C5: variants seen among roughly 807,000 people sequenced by gnomAD.
The protein encoded by C5 is C3 and PZP-like alpha-2-macroglobulin domain-containing protein 4.
In C5, 140 loss-of-function variants were observed where a neutral mutation model predicts 218.8. That is an observed-to-expected ratio of 0.64 (90% CI 0.56 to 0.74). The LOEUF (loss-of-function observed/expected upper bound fraction) is 0.74. Among genes scored for constraint, C5 ranks in the 30% least tolerant of loss-of-function variants. The pLI is 0.00. For missense variants in C5, 1,700 were observed against 1,969.6 expected (o/e 0.86, Z 2.59); for synonymous variants, 614 against 682.3 (o/e 0.90, Z 1.56).
At chr9:120,976,034 T>C (rs41311941) in intron 29 of C5, among the ~76,000 whole-genome samples, 49 of 152,284 alleles carry the variant, frequency 3.2e-4, no homozygotes, top group South Asian at 1.5e-3. Flanking sequence ...AACCCTATAA[T>C]TGTACCCAAA....
chr9:120,963,614 C>T lies in C5; in HGVS notation c.4323+22G>A, dbSNP rs574763999. 2.5e-5 allele frequency: 38 copies of T among 1,517,976 alleles called. No individual in the cohort carries two copies. The East Asian group carries it at 3.6e-4, about 14-fold the overall frequency. The allele number at this position is 1,517,976 out of a possible 1,614,324, so 94.0% of individuals were successfully genotyped here. A position where few individuals can be genotyped will look rare whatever the true frequency, so the allele number is the denominator to read the frequency against. On this transcript the variant is annotated intron_variant, in intron 34 of 40. Coordinates refer to ENST00000223642, the MANE Select transcript of C5 (RefSeq NM_001735.3). ...AAAAGAAAATGAAGCATTCACAACA[C>T]GATTTAAAAGAAAACACATACGGCT...
chr9:121,002,487 T>C (rs1184072655), intron 20 of C5, among the ~76,000 whole-genome samples: 1 of 151,712 alleles, frequency 6.6e-6, no homozygotes, highest in African/African-American at 2.4e-5. Context: ...TTTATGTGTC[T>C]ATCTCAAATT....
chr9:121,001,258 A>T (rs2047158961), intron 20 of C5, among the ~76,000 whole-genome samples: 1 of 152,208 alleles, frequency 6.6e-6, no homozygotes, highest in Admixed American at 6.5e-5. Context: ...CATTTGTCAG[A>T]TGAGGAAACT....
Position 121,030,464 on chromosome 9 carries a change from T to C in C5, c.691A>G (p.Ile231Val), listed in dbSNP as rs753870842. ...EYVLPHFSVS[I>V]EPEYNFIGYK... The stretch of plus-strand genomic sequence containing the variant: ...CCAATGAAATTATATTCTGGCTCGA[T>C]TGAGACAGAAAAATGTGGCAAGACT... The change falls in exon 7 of 41, where the codon ATC becomes GTC. Residue 231 changes from isoleucine (I) to valine (V), a missense_variant. Physicochemically the swap from Ile to Val is conservative, Grantham distance 29. Transcript: ENST00000223642. The C allele has an allele frequency of 1.7e-5, 27 of 1,548,776 alleles. No individual in the cohort carries two copies. Among genetic ancestry groups the C allele is most frequent in the East Asian group, 7.2e-5 (3 of 41,796 alleles).
intron 39 of C5, 96 bp downstream of exon 39, chr9:120,957,189 T>C: frequency 2.3e-6 from 2 of 856,944 alleles, no homozygotes; most frequent in African/African-American, 1.7e-5. Flanking sequence ...TCTGTCTTAT[T>C]TGAGTTGTAT....
At chr9:120,972,934 A>ATGC (rs1395291047) in intron 30 of C5, among the ~76,000 whole-genome samples, 4 of 152,210 alleles carry the variant, frequency 2.6e-5, no homozygotes, top group African/African-American at 9.6e-5. Context: ...TGTGAAAAGC[A>ATGC]TGCATGACAA....
the C5 span, among the ~76,000 whole-genome samples, chr9:121,072,398 T>A: frequency 1.3e-5 from 2 of 152,202 alleles, no homozygotes; most frequent in African/African-American, 4.8e-5. Context: ...TAAATCTAAG[T>A]TTCTGGGTAC....
chr9:120,957,450 A>G, intron 38 of C5, 82 bp from the exon 39 acceptor site: 1 of 1,061,556 alleles, frequency 9.4e-7, no homozygotes, highest in Admixed American at 1.7e-5. Flanking sequence ...AATTTGTCAA[A>G]CACGAGAAAT....
intron 5 of C5, among the ~76,000 whole-genome samples, chr9:121,033,063 C>T (rs980342703): frequency 1.3e-5 from 2 of 149,536 alleles, no homozygotes; most frequent in African/African-American, 2.4e-5. Flanking sequence ...TGTGTGTATA[C>T]ACACATATAT....
rs2046890876 is a variant in C5 at position 120,969,096 on chromosome 9, T to C, written c.4185A>G (p.Gly1395=). The C allele has an allele frequency of 6.2e-7, 1 of 1,613,924 alleles. No homozygotes were observed. ...CTACTATGCGTTTGTAATCAGAGTT[T>C]CCGTAGCCTCTGTAGTGGGATGCTG... The part of the protein sequence containing the change: ...DIEASHYRGY[G]NSDYKRIVAC... The change falls in exon 33 of 41, where the codon GGA becomes GGG. Residue 1395 remains glycine, a synonymous_variant. Transcript: ENST00000223642.
At chr9:120,970,282 C>T (rs949538728) in intron 31 of C5, 31 bp from the exon 32 acceptor site, 7 of 1,461,938 alleles carry the variant, frequency 4.8e-6, no homozygotes, top group Non-Finnish European at 6.7e-6. Context: ...CAAGAAGATT[C>T]TATTTAAAGT....
At position 121,017,462 on chromosome 9, in the gene C5, G is replaced by C; in HGVS notation, c.1766C>G (p.Ser589Cys). 6.2e-7 allele frequency: 1 copy of C among 1,613,884 alleles called. No homozygotes were observed. The highest frequency in any genetic ancestry group is 1.1e-5 in the South Asian group (1 of 91,086). ...ATCCATTCCAGTTGCCATATTAAGA[G>C]ACACAGTTTGGCCTGGAGAATATGC... Reference protein sequence around the residue: ...ADAYSPGQTVSLNMATGMDSW... With the variant: ...ADAYSPGQTVCLNMATGMDSW... The change falls in exon 14 of 41, where the codon TCT becomes TGT. Residue 589 changes from serine to cysteine, a missense_variant. Ser to Cys is a moderately radical substitution (Grantham distance 112, BLOSUM62 -1). Coordinates refer to ENST00000223642, the MANE Select transcript of C5 (RefSeq NM_001735.3).
the C5 span, among the ~76,000 whole-genome samples, chr9:121,066,833 C>A: frequency 7.1e-6 from 1 of 140,042 alleles, no homozygotes; most frequent in African/African-American, 2.7e-5. Context: ...CAGCCTTGGG[C>A]GACAGAACAA....
chr9:120,955,946 T>C (rs555047224), intron 39 of C5, among the ~76,000 whole-genome samples: 19 of 152,224 alleles, frequency 1.2e-4, no homozygotes, highest in Non-Finnish European at 2.6e-4. Context: ...AAAAATTTAG[T>C]ATAAACATAT....
At chr9:121,068,020 G>A in the C5 span, among the ~76,000 whole-genome samples, 11 of 152,058 alleles carry the variant, frequency 7.2e-5, no homozygotes, top group Admixed American at 2.6e-4. Context: ...AGCCTGCAGC[G>A]CACATTATCA....
At chr9:120,953,296 C>T (rs1480177223) in intron 40 of C5, among the ~76,000 whole-genome samples, 4 of 152,176 alleles carry the variant, frequency 2.6e-5, no homozygotes, top group Non-Finnish European at 4.4e-5. Flanking sequence ...TCTTCTGTAC[C>T]GGCCTCTCCT....
At chr9:120,954,728 T>C (rs1039674586) in intron 39 of C5, among the ~76,000 whole-genome samples, 8 of 152,248 alleles carry the variant, frequency 5.3e-5, no homozygotes, top group Non-Finnish European at 1.2e-4. Flanking sequence ...AATTGTTAAG[T>C]CCTGAAAAAC....
chr9:121,051,122 AC>A (rs1476407725), upstream of C5, among the ~76,000 whole-genome samples: 1 of 146,020 alleles, frequency 6.8e-6, no homozygotes, highest in Non-Finnish European at 1.5e-5. Flanking sequence ...TTATCTTTAT[AC>A]TTTTTTTTTT....
chr9:120,961,686 G>A (rs2046828768), intron 36 of C5, 121 bp from the exon 37 acceptor site: 5 of 726,846 alleles, frequency 6.9e-6, no homozygotes, highest in Non-Finnish European at 5.0e-6. Context: ...TCTTTTTATA[G>A]CTAAGGCCCA....
Sources: allele counts gnomAD v4.1 joint callset (sites outside exome capture counted in the v4.1 genomes callset), GRCh38; gene constraint gnomAD v4.1.1; transcripts MANE v1.5; gene names NCBI Gene and HGNC (gene_info 2026-07-23, HGNC 2026-07-21).